Variants in TLL1 observed in about 807,000 individuals in gnomAD.
TLL1 encodes the protein tolloid like 1.
In TLL1, 49 loss-of-function variants were observed where a neutral mutation model predicts 128.2. The observed-to-expected ratio is 0.38, with a 90% CI of 0.30 to 0.48. The LOEUF is 0.48. Among genes scored for constraint, TLL1 ranks in the 20% least tolerant of loss-of-function variants. The probability of loss-of-function intolerance (pLI) is 0.96; values close to 1 mark genes in which losing one functional copy is unlikely to be tolerated. For missense variants in TLL1, 1,123 were observed against 1,242.0 expected, an observed-to-expected ratio of 0.90 and a Z score of 1.44; for synonymous variants, 454 against 418.8, an observed-to-expected ratio of 1.08 and a Z score of -1.03.
intron 12 of TLL1, among the ~76,000 whole-genome samples, chr4:166,053,597 A>G (rs1739859172): frequency 6.6e-6 from 1 of 152,112 alleles, no homozygotes; most frequent in African/African-American, 2.4e-5. Context: ...TTGTCTTTAT[A>G]CTACCTCATT....
At chr4:165,918,455 C>T (rs1237457443) in intron 1 of TLL1, among the ~76,000 whole-genome samples, 1 of 151,980 alleles carries the variant, frequency 6.6e-6, no homozygotes, top group African/African-American at 2.4e-5. Context: ...TAGGTTGTAT[C>T]CCAGATGCAT....
In TLL1 at chr4:166,016,912, T is replaced by C. The variant is rs544106026; in HGVS notation, c.1042+2352T>C. ...AGTTCCCCAAATCTTTGGGAATGACTTTTTCTTCTATCTTGGCCTTTTTTT... is the reference window on the plus strand; with the variant it reads ...AGTTCCCCAAATCTTTGGGAATGACCTTTTCTTCTATCTTGGCCTTTTTTT... On this transcript the variant is annotated intron_variant, in intron 8 of 20. Coordinates refer to ENST00000061240, the MANE Select transcript of TLL1 (RefSeq NM_012464.5). Among the ~76,000 whole-genome samples the C allele has an allele frequency of 5.3e-5, 8 of 152,076 alleles. No homozygotes were observed. In the East Asian group the frequency reaches 1.4e-3, roughly 26 times the overall value.
intron 18 of TLL1, among the ~76,000 whole-genome samples, chr4:166,083,672 A>C (rs375320971): frequency 2.7e-5 from 2 of 72,782 alleles, no homozygotes; most frequent in African/African-American, 6.1e-5. Flanking sequence ...TGCTTTATTT[A>C]ACATAATGTC....
At chr4:166,043,804 C>T (rs988389843) in intron 12 of TLL1, among the ~76,000 whole-genome samples, 2 of 129,664 alleles carry the variant, frequency 1.5e-5, no homozygotes, top group East Asian at 4.6e-4. Flanking sequence ...AGGAACAAAA[C>T]ATTTTTCACC....
intron 1 of TLL1, among the ~76,000 whole-genome samples, chr4:165,902,302 C>CA (rs1486575422): frequency 1.4e-5 from 2 of 144,516 alleles, no homozygotes; most frequent in South Asian, 2.2e-4. Context: ...GAAAAAAAAA[C>CA]AAAAAAACAA....
chr4:166,057,204 C>G lies in TLL1; in HGVS notation c.1741C>G (p.Pro581Ala). The change falls in exon 14 of 21, where the codon CCT becomes GCT. Residue 581 changes from proline (P) to alanine (A), a missense_variant. Pro to Ala is a conservative substitution (Grantham distance 27). Coordinates refer to ENST00000061240, the MANE Select transcript of TLL1 (RefSeq NM_012464.5). ...FFKEEDECAK[P>A]DRGGCEQRCL... is the part of the protein sequence containing the mutation. The stretch of plus-strand genomic sequence containing the variant: ...CATAGAGGAAGATGAGTGTGCCAAA[C>G]CTGACCGTGGAGGCTGTGAGCAGCG... The G allele has an allele frequency of 3.7e-6, 6 of 1,613,678 alleles. No individual in the cohort carries two copies. Among genetic ancestry groups the G allele is most frequent in the Non-Finnish European group, 5.1e-6 (6 of 1,179,866 alleles).
intron 1 of TLL1, among the ~76,000 whole-genome samples, chr4:165,895,633 T>TAAAAAAAAAAAAAAAA (rs57920393): frequency 8.8e-5 from 6 of 68,456 alleles, no homozygotes; most frequent in African/African-American, 6.1e-4. Flanking sequence ...AGACTTTTTG[T>TAAAAAAAAAAAAAAAA]AAAAAAAAAA....
chr4:166,057,218 C>T lies in TLL1; in HGVS notation c.1755C>T (p.Gly585=). The T allele has an allele frequency of 6.2e-7, 1 of 1,613,908 alleles. No homozygotes were observed. Among genetic ancestry groups the T allele is most frequent in the South Asian group, 1.1e-5 (1 of 91,080 alleles). Residue 585 remains glycine (G), a synonymous_variant, in exon 14 of 21, where the codon GGC becomes GGT. Transcript: ENST00000061240. ...AGTGTGCCAAACCTGACCGTGGAGG[C>T]TGTGAGCAGCGATGTCTGAACACTC... is the stretch of plus-strand genomic sequence containing the variant. ...EDECAKPDRG[G]CEQRCLNTLG...
chr4:166,078,782 G>T (rs542616569), intron 18 of TLL1, among the ~76,000 whole-genome samples: 1 of 152,108 alleles, frequency 6.6e-6, no homozygotes, highest in Admixed American at 6.6e-5. Flanking sequence ...AGAAGGCAGT[G>T]CCAACTAACA....
At chr4:166,026,735 A>G (rs1177898197) in intron 9 of TLL1, among the ~76,000 whole-genome samples, 1 of 152,108 alleles carries the variant, frequency 6.6e-6, no homozygotes, top group Admixed American at 6.6e-5. Flanking sequence ...AGATGAAAAC[A>G]TGTCTGATCA....
chr4:165,915,353 C>G (rs1732731295), intron 1 of TLL1, among the ~76,000 whole-genome samples: 1 of 152,144 alleles, frequency 6.6e-6, no homozygotes, highest in Non-Finnish European at 1.5e-5. Context: ...ATACTGAGAA[C>G]AGGATTAAGT....
intron 1 of TLL1, among the ~76,000 whole-genome samples, chr4:165,947,322 A>G (rs201659871): frequency 1.3e-5 from 2 of 152,114 alleles, no homozygotes; most frequent in Non-Finnish European, 2.9e-5. Flanking sequence ...TACTCCAGAT[A>G]CAGCCACATT....
chr4:165,955,622 T>A lies in TLL1; in HGVS notation c.170-33759T>A, dbSNP rs565746901. Among the ~76,000 whole-genome samples the A allele has an allele frequency of 8.5e-5, 13 of 152,268 alleles. No individual in the cohort carries two copies. In the East Asian group the frequency reaches 2.5e-3, roughly 29 times the overall value. ...AGAAAGGCTACAAGCTAGAAGAGAC[T>A]GGGGACCTATATTCAGCATCTTTAT... On this transcript the variant is annotated intron_variant, in intron 1 of 20. Coordinates refer to ENST00000061240, the MANE Select transcript of TLL1 (RefSeq NM_012464.5).
intron 9 of TLL1, among the ~76,000 whole-genome samples, chr4:166,034,031 A>C (rs1166783252): frequency 1.3e-5 from 2 of 152,194 alleles, no homozygotes; most frequent in African/African-American, 4.8e-5. Context: ...TAGTGTATTT[A>C]TATTGCCAAA....
Position 166,102,167 on chromosome 4 carries a change from A to G in TLL1, c.*1291A>G, listed in dbSNP as rs1164455965. 6.6e-6 allele frequency: 1 copy of G among 152,442 alleles called. No homozygotes were observed. The highest frequency in any genetic ancestry group is 2.4e-5 in the African/African-American group (1 of 41,434). The allele number at this position is 152,442 out of a possible 1,614,324, so 9.4% of individuals were successfully genotyped here. A position where few individuals can be genotyped will look rare whatever the true frequency, so the allele number is the denominator to read the frequency against. Reference sequence around the variant, plus strand: ...TAATGCCTTAGAATTCCTGCACATGATCAAACAGATCCTCCTAAAACACAC... The same window carrying G: ...TAATGCCTTAGAATTCCTGCACATGGTCAAACAGATCCTCCTAAAACACAC... On this transcript the variant is annotated 3_prime_UTR_variant, in exon 21 of 21. Transcript: ENST00000061240.
chr4:166,005,814 G>T (rs1229036918), intron 6 of TLL1, among the ~76,000 whole-genome samples: 1 of 151,780 alleles, frequency 6.6e-6, no homozygotes, highest in Non-Finnish European at 1.5e-5. Context: ...TTAAAAATAG[G>T]ATCCTGTTTC....
chr4:165,971,816 G>C (rs1735640368), intron 1 of TLL1, among the ~76,000 whole-genome samples: 1 of 152,114 alleles, frequency 6.6e-6, no homozygotes, highest in South Asian at 2.1e-4. Flanking sequence ...AATAGTTGCT[G>C]TGTCCTGTCT....
intron 1 of TLL1, among the ~76,000 whole-genome samples, chr4:165,902,570 G>C (rs117775724): frequency 6.6e-6 from 1 of 152,106 alleles, no homozygotes; most frequent in Non-Finnish European, 1.5e-5. Flanking sequence ...TGGGTGAGGC[G>C]ACGCCCCACC....
At chr4:166,047,443 T>C (rs924989980) in intron 12 of TLL1, among the ~76,000 whole-genome samples, 5 of 150,588 alleles carry the variant, frequency 3.3e-5, no homozygotes, top group East Asian at 1.9e-4. Flanking sequence ...GGATTACAGG[T>C]ATGAGCCACC....
Sources: allele counts gnomAD v4.1 joint callset (sites outside exome capture counted in the v4.1 genomes callset), GRCh38; gene constraint gnomAD v4.1.1; transcripts MANE v1.5; gene names NCBI Gene and HGNC (gene_info 2026-07-23, HGNC 2026-07-21).